The following TENT2 variants were observed in gnomAD, a reference collection of about 807,000 sequenced individuals.
TENT2 encodes poly(A) RNA polymerase GLD2.
Under a neutral mutation model 72.2 loss-of-function variants are expected in TENT2, and 44 were observed. The observed-to-expected ratio is 0.61, with a 90% confidence interval of 0.48 to 0.78. The LOEUF (loss-of-function observed/expected upper bound fraction) is 0.78. Ranked by LOEUF, TENT2 falls within the 30% of genes least tolerant of loss-of-function variation. The pLI, the probability that TENT2 is intolerant of heterozygous loss-of-function variation, is 0.00. For synonymous variants in TENT2, 212 were observed against 192.5 expected (o/e 1.10, Z -0.84); for missense variants, 541 against 569.6 (o/e 0.95, Z 0.51).
intron 4 of TENT2, among the ~76,000 whole-genome samples, chr5:79,636,597 T>C (rs1339499312): frequency 6.6e-6 from 1 of 152,226 alleles, no homozygotes; most frequent in East Asian, 1.9e-4. Context: ...AGAAGCCTTC[T>C]GGGCTTTTGA....
chr5:79,617,607 A>T (rs1005567625), intron 1 of TENT2: 2 of 152,136 alleles, frequency 1.3e-5, no homozygotes, highest in Non-Finnish European at 2.9e-5. Context: ...CGGGTAATTT[A>T]CTTTGTTTCT....
intron 8 of TENT2, among the ~76,000 whole-genome samples, chr5:79,648,309 T>G: frequency 6.6e-6 from 1 of 152,042 alleles, no homozygotes; most frequent in East Asian, 1.9e-4. Context: ...CTCCATCTCT[T>G]TAAAGAAAAA....
rs888816596 is a variant in TENT2, at chr5:79,619,643, A to T, written c.-6A>T. 5.6e-6 allele frequency: 9 copies of T among 1,608,926 alleles called. No homozygotes were observed. Among genetic ancestry groups the T allele is most frequent in the African/African-American group, 1.3e-5 (1 of 74,894 alleles). On this transcript the variant is annotated 5_prime_UTR_variant, in exon 2 of 15. Transcript: ENST00000453514. ...GAATACATGTTCACTTCCAGTGAAC[A>T]AGAGCATGTTCCCAAACTCAATTTT...
chr5:79,668,115 A>G (rs541053053), intron 11 of TENT2, among the ~76,000 whole-genome samples: 1 of 152,190 alleles, frequency 6.6e-6, no homozygotes, highest in East Asian at 1.9e-4. Context: ...ACTTGCTGTT[A>G]ATAGAGGAAA....
Position 79,685,122 on chromosome 5 carries a change from TA to T in TENT2, c.1381-75del, listed in dbSNP as rs1327941884. On this transcript the variant is annotated intron_variant, in intron 14 of 14. Coordinates refer to ENST00000453514, the MANE Select transcript of TENT2 (RefSeq NM_001114394.3). ...TTATCACCTAGAGAGAACCAACTATTAACATTCTTTTAAACTCTCAGTCTTT... is the reference window on the plus strand; with the variant it reads ...TTATCACCTAGAGAGAACCAACTATTACATTCTTTTAAACTCTCAGTCTTT... 9.9e-6 allele frequency: 11 copies of T among 1,107,398 alleles called. No individual in the cohort carries two copies. The African/African-American group carries it at 1.4e-4, about 14-fold the overall frequency. 68.6% of individuals were successfully genotyped at this position (1,107,398 alleles called of 1,614,324 possible).
chr5:79,647,983 G>A (rs1179332395), intron 8 of TENT2, among the ~76,000 whole-genome samples: 1 of 152,106 alleles, frequency 6.6e-6, no homozygotes, highest in Non-Finnish European at 1.5e-5. Context: ...TGTAGACAGA[G>A]CTTTTAAATT....
intron 8 of TENT2, among the ~76,000 whole-genome samples, chr5:79,646,243 G>A (rs1332682016): frequency 1.3e-5 from 2 of 152,104 alleles, no homozygotes; most frequent in Non-Finnish European, 1.5e-5. Context: ...GGTAGGCTTC[G>A]CTCAGGCATG....
Position 79,673,737 on chromosome 5 carries a change from A to T in TENT2, c.1208+4709A>T, listed in dbSNP as rs976518285. ...ATTTTAAGATTGGGATAACTTCAAGATATTCAAGTGGAGATACTGAGTAGA... is the reference window on the plus strand; with the variant it reads ...ATTTTAAGATTGGGATAACTTCAAGTTATTCAAGTGGAGATACTGAGTAGA... On this transcript the variant is annotated intron_variant, in intron 12 of 14. Coordinates refer to ENST00000453514, the MANE Select transcript of TENT2 (RefSeq NM_001114394.3). Among the ~76,000 whole-genome samples, 5 of 152,152 alleles carry T rather than the reference A, an allele frequency of 3.3e-5. No individual in the cohort carries two copies. The East Asian group carries it at 9.6e-4, about 29-fold the overall frequency.
intron 3 of TENT2, among the ~76,000 whole-genome samples, chr5:79,620,870 A>G (rs1453106259): frequency 6.6e-6 from 1 of 152,186 alleles, no homozygotes; most frequent in Non-Finnish European, 1.5e-5. Context: ...GATAACAAAT[A>G]TTGTAGTGAA....
chr5:79,646,259 T>C (rs900713038), intron 8 of TENT2, among the ~76,000 whole-genome samples: 3 of 152,172 alleles, frequency 2.0e-5, no homozygotes, highest in Admixed American at 6.6e-5. Context: ...GCATGAGTTA[T>C]AGTACTCTTG....
chr5:79,658,391 G>C (rs1799464968), intron 11 of TENT2, among the ~76,000 whole-genome samples: 1 of 144,876 alleles, frequency 6.9e-6, no homozygotes, highest in African/African-American at 2.6e-5. Context: ...CGGTCTTGCT[G>C]TGATGCCCAG....
In TENT2 at chr5:79,641,139, T is replaced by C; in HGVS notation, c.615T>C (p.Asn205=). 1 of 1,577,738 alleles carries C rather than the reference T, an allele frequency of 6.3e-7. No individual in the cohort carries two copies. The highest frequency in any genetic ancestry group is 1.4e-5 in the African/African-American group (1 of 72,364). The change falls in exon 6 of 15, where the codon AAT becomes AAC. Residue 205 remains asparagine, a synonymous_variant. Coordinates refer to ENST00000453514, the MANE Select transcript of TENT2 (RefSeq NM_001114394.3). ...SRLFLVGSSL[N]GFGTRSSDGD... ...TTTTTTTGGTTGGGTCCTCTTTAAA[T>C]GGATTTGGTACCCGGAGCAGTGATG...
rs1034264397 is a variant in TENT2 at position 79,641,085 on chromosome 5, ACTTT to A, written c.581-16_581-13del. 4.5e-6 allele frequency: 7 copies of A among 1,550,742 alleles called. No individual in the cohort carries two copies. Among genetic ancestry groups the A allele is most frequent in the Middle Eastern group, 3.4e-4 (2 of 5,814 alleles). On this transcript the variant is annotated splice_polypyrimidine_tract_variant and intron_variant, in intron 5 of 14. Coordinates refer to ENST00000453514, the MANE Select transcript of TENT2 (RefSeq NM_001114394.3). ...ACTTTAGATTTTAAATACTCTTATT[ACTTT>A]CTTCTGTTTCTTTAGAAAGCAGACT...
rs1311035793 is a variant in TENT2 at position 79,656,987 on chromosome 5, CA to C, written c.1063del (p.Ile355PhefsTer54). ...ACCTGAACCCATCCTTCCATCCCTC[CA>C]AAAAATTTACCCAGTAAGTGTTTCT... ...TLPEPILPSLQKIYPESFSPA... is the reference protein window; with the variant it reads ...TLPEPILPSLXKIYPESFSPA... On this transcript the variant is annotated frameshift_variant, in exon 11 of 15. Coordinates refer to ENST00000453514, the MANE Select transcript of TENT2 (RefSeq NM_001114394.3). LOFTEE classifies it high-confidence loss of function. 1.2e-6 allele frequency: 2 copies of C among 1,601,822 alleles called. No homozygotes were observed. Among genetic ancestry groups the C allele is most frequent in the Non-Finnish European group, 8.5e-7 (1 of 1,170,646 alleles).
At chr5:79,652,888 A>T (rs1178958474) in intron 10 of TENT2, among the ~76,000 whole-genome samples, 3 of 151,750 alleles carry the variant, frequency 2.0e-5, no homozygotes, top group Admixed American at 6.6e-5. Flanking sequence ...CTCTTAACAT[A>T]TTTTTTTCAG....
chr5:79,617,943 A>G (rs1761654596), intron 1 of TENT2, among the ~76,000 whole-genome samples: 1 of 152,000 alleles, frequency 6.6e-6, no homozygotes, highest in Non-Finnish European at 1.5e-5. Context: ...TGTGCTTTGT[A>G]CCCTTTAGAT....
intron 11 of TENT2, among the ~76,000 whole-genome samples, chr5:79,659,555 TG>T (rs1800799171): frequency 2.7e-5 from 1 of 36,716 alleles, no homozygotes; most frequent in Admixed American, 3.9e-4. Context: ...AAAAAAAAAA[TG>T]TATATATATA....
intron 12 of TENT2, among the ~76,000 whole-genome samples, chr5:79,672,663 T>G (rs1813851025): frequency 6.6e-6 from 1 of 152,266 alleles, no homozygotes; most frequent in African/African-American, 2.4e-5. Context: ...GGCTCAATAG[T>G]ACTCTATTGT....
At chr5:79,615,945 G>T (rs1293497598) in intron 1 of TENT2, among the ~76,000 whole-genome samples, 1 of 151,764 alleles carries the variant, frequency 6.6e-6, no homozygotes, top group Non-Finnish European at 1.5e-5. Flanking sequence ...CTGGAGTGCA[G>T]TGGTGCGATC....
Sources: allele counts gnomAD v4.1 joint callset (sites outside exome capture counted in the v4.1 genomes callset), GRCh38; gene constraint gnomAD v4.1.1; transcripts MANE v1.5; gene names NCBI Gene and HGNC (gene_info 2026-07-23, HGNC 2026-07-21).